The following ZFHX3 variants were observed in gnomAD, a reference collection of about 807,000 sequenced individuals.
ZFHX3 encodes zinc finger homeobox protein 3.
Under a neutral mutation model 279.1 loss-of-function variants are expected in ZFHX3, and 42 were observed. The observed-to-expected ratio is 0.15, with a 90% CI of 0.12 to 0.19. The LOEUF (loss-of-function observed/expected upper bound fraction) is 0.19. Ranked by LOEUF, ZFHX3 falls within the 10% of genes least tolerant of loss-of-function variation. ZFHX3 has a pLI of 1.00. For synonymous variants in ZFHX3, 2,293 were observed against 1,957.8 expected, an observed-to-expected ratio of 1.17 and a Z score of -4.52; for missense variants, 4,981 against 4,754.0, an observed-to-expected ratio of 1.05 and a Z score of -1.40.
At chr16:73,621,102 A>C (rs1332452391) in intron 2 of ZFHX3, among the ~76,000 whole-genome samples, 1 of 152,210 alleles carries the variant, frequency 6.6e-6, no homozygotes. Context: ...ACTGAGGAAG[A>C]GGTCTTGGGG....
At chr16:73,781,059 G>A (rs760157603) in intron 1 of ZFHX3, among the ~76,000 whole-genome samples, 1 of 152,180 alleles carries the variant, frequency 6.6e-6, no homozygotes, top group Non-Finnish European at 1.5e-5. Flanking sequence ...GAACAAAAGA[G>A]AAAGGGACCA....
chr16:73,362,003 G>A (rs531801551), intron 3 of ZFHX3, among the ~76,000 whole-genome samples: 4 of 152,158 alleles, frequency 2.6e-5, no homozygotes, highest in Non-Finnish European at 5.9e-5. Context: ...AGGGAATTTA[G>A]GAGCCAATTG....
chr16:72,890,424 A>T (rs1052215913), intron 3 of ZFHX3, among the ~76,000 whole-genome samples: 1 of 151,752 alleles, frequency 6.6e-6, no homozygotes, highest in Non-Finnish European at 1.5e-5. Context: ...TAAATTACCC[A>T]GTCCTAGGCA....
rs537291762 is a variant in ZFHX3, at chr16:72,928,027, C to T, written c.3216+22442G>A. On this transcript the variant is annotated intron_variant, in intron 3 of 9. Coordinates refer to ENST00000268489, the MANE Select transcript of ZFHX3 (RefSeq NM_006885.4). ...CCAGAGGCCTCCAGGCTGCACAGTG[C>T]CCCCTGGGGCTGGCACCGTGCCAAG... is the stretch of plus-strand genomic sequence containing the variant. Among the ~76,000 whole-genome samples the T allele has an allele frequency of 2.1e-4, 31 of 145,536 alleles. No individual in the cohort carries two copies. In the South Asian group the frequency reaches 3.8e-3, roughly 18 times the overall value.
intron 5 of ZFHX3, among the ~76,000 whole-genome samples, chr16:73,168,785 C>CAGGAT (rs1334451769): frequency 6.6e-6 from 1 of 152,140 alleles, no homozygotes; most frequent in African/African-American, 2.4e-5. Flanking sequence ...AGCTAGCTGC[C>CAGGAT]CTCTGGGTTT....
intron 1 of ZFHX3, among the ~76,000 whole-genome samples, chr16:73,781,686 T>A (rs1322790533): frequency 6.6e-6 from 1 of 152,138 alleles, no homozygotes; most frequent in Non-Finnish European, 1.5e-5. Context: ...TTTAACTTGA[T>A]CCTCTATTTA....
At chr16:73,268,335 A>G (rs1370832336) in intron 4 of ZFHX3, among the ~76,000 whole-genome samples, 2 of 152,200 alleles carry the variant, frequency 1.3e-5, no homozygotes, top group Non-Finnish European at 2.9e-5. Context: ...CAAACTCTAT[A>G]TGAATCTGAA....
At chr16:73,031,287 G>T (rs1049388971) in intron 1 of ZFHX3, among the ~76,000 whole-genome samples, 3 of 152,154 alleles carry the variant, frequency 2.0e-5, no homozygotes, top group South Asian at 4.1e-4. Flanking sequence ...GGCGGGGGGG[G>T]AAGTAAACAT....
intron 4 of ZFHX3, among the ~76,000 whole-genome samples, chr16:73,280,932 C>A (rs1459010943): frequency 6.6e-6 from 1 of 150,798 alleles, no homozygotes; most frequent in Non-Finnish European, 1.5e-5. Flanking sequence ...TTGTGGTGAG[C>A]CAAGATTGCG....
At chr16:72,952,775 C>T (rs544277266) in intron 2 of ZFHX3, among the ~76,000 whole-genome samples, 1 of 152,330 alleles carries the variant, frequency 6.6e-6, no homozygotes, top group East Asian at 1.9e-4. Flanking sequence ...TAAATTAATA[C>T]TGCAAGGGCT....
intron 3 of ZFHX3, among the ~76,000 whole-genome samples, chr16:72,931,900 G>C (rs1959831351): frequency 6.6e-6 from 1 of 152,170 alleles, no homozygotes; most frequent in Admixed American, 6.5e-5. Context: ...ATATTCTGTG[G>C]TATTGCCAAG....
At chr16:73,395,325 G>A (rs541560648) in intron 3 of ZFHX3, among the ~76,000 whole-genome samples, 9 of 152,134 alleles carry the variant, frequency 5.9e-5, no homozygotes, top group Non-Finnish European at 1.3e-4. Flanking sequence ...TTAGCCAGGT[G>A]TGGAGGCGCT....
intron 1 of ZFHX3, chr16:73,058,513 GA>G: frequency 6.2e-6 from 1 of 162,154 alleles, no homozygotes; most frequent in Non-Finnish European, 1.3e-5. Flanking sequence ...AAAAAAGAGG[GA>G]AAAGTTGCCA....
At chr16:72,995,411 G>T (rs1963249348) in intron 1 of ZFHX3, among the ~76,000 whole-genome samples, 1 of 152,132 alleles carries the variant, frequency 6.6e-6, no homozygotes, top group Admixed American at 6.6e-5. Flanking sequence ...GCTCTTGGAA[G>T]GAAACAGGAA....
chr16:72,956,836 A>T (rs1342094604), intron 2 of ZFHX3, among the ~76,000 whole-genome samples: 5 of 151,850 alleles, frequency 3.3e-5, no homozygotes, highest in African/African-American at 1.2e-4. Flanking sequence ...ATAAGCAAAA[A>T]AAAAAACATC....
chr16:73,712,693 A>T (rs2053375640), intron 1 of ZFHX3, among the ~76,000 whole-genome samples: 1 of 152,172 alleles, frequency 6.6e-6, no homozygotes, highest in African/African-American at 2.4e-5. Context: ...CCACAGTACA[A>T]AAGGAAACCA....
chr16:72,847,889 G>A (rs945054643), intron 4 of ZFHX3, among the ~76,000 whole-genome samples: 4 of 152,088 alleles, frequency 2.6e-5, no homozygotes, highest in East Asian at 1.9e-4. Context: ...TGAAGCCCGA[G>A]GGGGAGGAGG....
rs992457697 is a variant in ZFHX3 at position 73,871,734 on chromosome 16, T to TA, written c.-1608+19916dup. On this transcript the variant is annotated intron_variant, in intron 1 of 17. Coordinates refer to the ZFHX3 transcript ENST00000641206. The stretch of plus-strand genomic sequence containing the variant: ...TGGCAGTCTCTCATCAATCCCTCTT[T>TA]AAAAAAAAAATGAAGTTCCTATTAG... 7.2e-3 allele frequency among the ~76,000 whole-genome samples: 1,081 copies of TA among 149,592 alleles called. 14 individuals are homozygous for TA. The highest frequency in any genetic ancestry group is 0.025 in the African/African-American group (1,005 of 40,880).
At chr16:73,694,482 T>C (rs1452105032) in intron 1 of ZFHX3, among the ~76,000 whole-genome samples, 1 of 152,060 alleles carries the variant, frequency 6.6e-6, no homozygotes, top group African/African-American at 2.4e-5. Flanking sequence ...TAGCTGGGGC[T>C]ACAGACGCAT....
Sources: allele counts gnomAD v4.1 joint callset (sites outside exome capture counted in the v4.1 genomes callset), GRCh38; gene constraint gnomAD v4.1.1; transcripts MANE v1.5; gene names NCBI Gene and HGNC (gene_info 2026-07-23, HGNC 2026-07-21).